Variants in MCC observed in about 807,000 individuals in gnomAD.
The protein encoded by MCC is colorectal mutant cancer protein.
Under a neutral mutation model 116.2 loss-of-function variants are expected in MCC, and 90 were observed. The ratio of observed to expected loss-of-function variants is 0.77; its 90% CI spans 0.65 to 0.92. MCC has a LOEUF of 0.92. MCC is among the 40% of genes least tolerant of loss of function. MCC has a pLI of 0.00. For missense variants in MCC, 1,516 were observed against 1,312.2 expected, an observed-to-expected ratio of 1.16 and a Z score of -2.40; for synonymous variants, 578 against 510.5, an observed-to-expected ratio of 1.13 and a Z score of -1.78.
At chr5:113,368,662 A>G (rs1407783578) in intron 2 of MCC, among the ~76,000 whole-genome samples, 1 of 151,952 alleles carries the variant, frequency 6.6e-6, no homozygotes, top group Non-Finnish European at 1.5e-5. Context: ...AACAAGCAAC[A>G]TGGAAGATTT....
At chr5:113,136,968 C>A (rs184834994) in intron 5 of MCC, among the ~76,000 whole-genome samples, 1 of 152,234 alleles carries the variant, frequency 6.6e-6, no homozygotes, top group African/African-American at 2.4e-5. Flanking sequence ...GTTTTTCCCC[C>A]TTCACTATGA....
At chr5:113,369,550 G>A (rs1768788247) in intron 2 of MCC, among the ~76,000 whole-genome samples, 1 of 152,014 alleles carries the variant, frequency 6.6e-6, no homozygotes. Context: ...CAGAGTCTCT[G>A]TTCCCTTTAA....
Position 113,068,037 on chromosome 5 carries a change from G to T in MCC, c.2029+43C>A, listed in dbSNP as rs549415079. On this transcript the variant is annotated intron_variant, in intron 13 of 18. Coordinates refer to ENST00000408903, the MANE Select transcript of MCC (RefSeq NM_001085377.2). ...TGAGACAGGGGCAGAAGCAAAGGAG[G>T]CAGGGAGACAAGAGGAGGAAGAGGG... 1.2e-5 allele frequency: 18 copies of T among 1,507,848 alleles called. No individual in the cohort carries two copies. In the East Asian group the frequency reaches 1.4e-4, roughly 11 times the overall value. The allele number at this position is 1,507,848 out of a possible 1,614,324, so 93.4% of individuals were successfully genotyped here.
At chr5:113,201,363 G>A (rs1422435110) in intron 3 of MCC, among the ~76,000 whole-genome samples, 5 of 139,670 alleles carry the variant, frequency 3.6e-5, no homozygotes, top group Non-Finnish European at 7.7e-5. Flanking sequence ...TCCAGCCTGG[G>A]CGACAAGAGC....
intron 1 of MCC, among the ~76,000 whole-genome samples, chr5:113,418,447 G>A (rs1448782999): frequency 1.3e-5 from 2 of 149,554 alleles, no homozygotes; most frequent in East Asian, 2.0e-4. Context: ...ATAGACATAT[G>A]TTCATCTTTC....
intron 3 of MCC, among the ~76,000 whole-genome samples, chr5:113,174,129 A>G (rs1049970379): frequency 5.3e-5 from 8 of 152,200 alleles, no homozygotes; most frequent in African/African-American, 1.9e-4. Context: ...CACTGCTTTA[A>G]AAAGTCCTAG....
chr5:113,207,181 C>T (rs1015777900), intron 3 of MCC, among the ~76,000 whole-genome samples: 10 of 152,100 alleles, frequency 6.6e-5, no homozygotes, highest in African/African-American at 1.9e-4. Flanking sequence ...TGGAATCAGA[C>T]AGATTCGTAT....
At chr5:113,346,575 G>A (rs934487557) in intron 2 of MCC, among the ~76,000 whole-genome samples, 4 of 151,824 alleles carry the variant, frequency 2.6e-5, no homozygotes, top group African/African-American at 9.7e-5. Flanking sequence ...ACTCCAGCCT[G>A]GGCAACAAGA....
At chr5:113,043,163 C>G (rs73235137) in intron 17 of MCC, among the ~76,000 whole-genome samples, 7,129 of 152,212 alleles carry the variant, frequency 0.047, 214 homozygotes, top group African/African-American at 0.083. Context: ...TTCACACTAC[C>G]AACGCTGAAG....
intron 11 of MCC, among the ~76,000 whole-genome samples, chr5:113,078,267 T>A (rs1401967040): frequency 1.3e-5 from 2 of 152,152 alleles, no homozygotes; most frequent in Non-Finnish European, 2.9e-5. Context: ...ACTGTTCCAA[T>A]CAATAGAAAA....
chr5:113,042,112 C>G (rs1412617860), intron 17 of MCC, among the ~76,000 whole-genome samples: 1 of 151,860 alleles, frequency 6.6e-6, no homozygotes, highest in Non-Finnish European at 1.5e-5. Flanking sequence ...GAAAGAGTCA[C>G]AAAACTCAAC....
intron 1 of MCC, among the ~76,000 whole-genome samples, chr5:113,410,661 G>A (rs969452275): frequency 4.6e-5 from 7 of 152,210 alleles, no homozygotes; most frequent in African/African-American, 1.7e-4. Flanking sequence ...TGCACAACGT[G>A]CAGGTTACAT....
intron 5 of MCC, among the ~76,000 whole-genome samples, chr5:113,138,564 C>A (rs1390497120): frequency 6.6e-6 from 1 of 152,188 alleles, no homozygotes; most frequent in African/African-American, 2.4e-5. Context: ...TAGCTTGTGT[C>A]TTAATCTTAG....
At chr5:113,237,427 C>T (rs73244764) in intron 3 of MCC, among the ~76,000 whole-genome samples, 4,369 of 152,276 alleles carry the variant, frequency 0.029, 155 homozygotes, top group African/African-American at 0.085. Flanking sequence ...ATACCAACTG[C>T]TTCCACTACC....
At chr5:113,459,825 AACACACAC>A (rs5870543) in intron 1 of MCC, among the ~76,000 whole-genome samples, 75 of 147,628 alleles carry the variant, frequency 5.1e-4, no homozygotes, top group Non-Finnish European at 7.3e-4. Flanking sequence ...CGCTATGGAA[AACACACAC>A]ACACACACAC....
intron 3 of MCC, among the ~76,000 whole-genome samples, chr5:113,202,777 GC>G (rs1762739596): frequency 9.1e-6 from 1 of 110,088 alleles, no homozygotes; most frequent in Non-Finnish European, 1.8e-5. Context: ...ATGAAAGTTT[GC>G]CCTTTATTTA....
At chr5:113,466,404 A>G (rs1210383754) in intron 1 of MCC, among the ~76,000 whole-genome samples, 2 of 137,706 alleles carry the variant, frequency 1.5e-5, no homozygotes, top group South Asian at 2.3e-4. Flanking sequence ...TCATTGTTCA[A>G]TTCCCACCTA....
intron 3 of MCC, among the ~76,000 whole-genome samples, chr5:113,192,438 GT>G (rs1762192038): frequency 6.6e-6 from 1 of 152,170 alleles, no homozygotes; most frequent in Non-Finnish European, 1.5e-5. Context: ...AAATTTGTGA[GT>G]TAAAAAAGCA....
chr5:113,133,004 CT>C lies in MCC; in HGVS notation c.885-10179del, dbSNP rs374102374. 5.6e-3 allele frequency among the ~76,000 whole-genome samples: 839 copies of C among 149,092 alleles called. 7 individuals carry two copies. The highest frequency in any genetic ancestry group is 0.023 in the East Asian group (120 of 5,122). ...TGCAAAAATAAGAATCTATAACTTT[CT>C]TTTTTTTTTGTTTTTACTGATACCG... On this transcript the variant is annotated intron_variant, in intron 5 of 18. Coordinates refer to ENST00000408903, the MANE Select transcript of MCC (RefSeq NM_001085377.2).
Sources: gnomAD v4.1 joint callset for allele counts (sites outside exome capture counted in the v4.1 genomes callset) on GRCh38, gnomAD v4.1.1 for gene constraint, MANE v1.5 for transcripts, NCBI Gene and HGNC (gene_info 2026-07-23, HGNC 2026-07-21) for gene names.